Variants in HSPBAP1 observed in about 807,000 individuals in gnomAD.
The protein encoded by HSPBAP1 is HSPB1-associated protein 1.
HSPBAP1 carries 27 observed loss-of-function variants against 45.2 expected under a neutral mutation model. The ratio of observed to expected loss-of-function variants is 0.60; its 90% confidence interval spans 0.44 to 0.82. The LOEUF (loss-of-function observed/expected upper bound fraction) is 0.82. Among genes scored for constraint, HSPBAP1 ranks in the 40% least tolerant of loss-of-function variants. HSPBAP1 has a pLI of 0.00. For missense variants in HSPBAP1, 510 were observed against 590.9 expected (o/e 0.86, Z 1.42); for synonymous variants, 204 against 202.7 (o/e 1.01, Z -0.06).
At chr3:122,774,647 G>T (rs1285777099) in intron 2 of HSPBAP1, among the ~76,000 whole-genome samples, 1 of 152,186 alleles carries the variant, frequency 6.6e-6, no homozygotes, top group Non-Finnish European at 1.5e-5. Context: ...GTGTGGGAAG[G>T]GAGGGCAAGG....
chr3:122,759,199 A>ACACACC (rs765740193), intron 4 of HSPBAP1, 25 bp downstream of exon 4: 7 of 1,592,628 alleles, frequency 4.4e-6, no homozygotes, highest in Non-Finnish European at 5.1e-6. Context: ...ACACACACAC[A>ACACACC]CACACACACA....
intron 1 of HSPBAP1, among the ~76,000 whole-genome samples, chr3:122,779,040 C>CT (rs35186596): frequency 0.11 from 15,617 of 146,734 alleles, 823 homozygotes; most frequent in East Asian, 0.13. Flanking sequence ...CTTTCTTTTT[C>CT]TTTTTTTTTT....
intron 6 of HSPBAP1, among the ~76,000 whole-genome samples, chr3:122,747,133 G>A (rs1933900334): frequency 6.6e-6 from 1 of 151,640 alleles, no homozygotes; most frequent in African/African-American, 2.4e-5. Flanking sequence ...GATGTGAGGA[G>A]CCCCTCTGCC....
intron 1 of HSPBAP1, 111 bp from the exon 2 acceptor site, chr3:122,778,017 A>T (rs375477583): frequency 2.8e-6 from 2 of 711,260 alleles, no homozygotes. Context: ...ATTCTCTACA[A>T]TTACAATAAT....
chr3:122,765,410 G>C (rs543715615), intron 3 of HSPBAP1, among the ~76,000 whole-genome samples: 2 of 151,802 alleles, frequency 1.3e-5, no homozygotes, highest in African/African-American at 4.8e-5. Flanking sequence ...GTGAAACCCC[G>C]TTTCTACTAA....
chr3:122,751,981 T>A (rs974143609), intron 6 of HSPBAP1, among the ~76,000 whole-genome samples: 1 of 152,294 alleles, frequency 6.6e-6, no homozygotes. Flanking sequence ...TCAGGGCCTC[T>A]GGTTAAAGAG....
chr3:122,740,997 G>T lies in HSPBAP1; in HGVS notation c.936+6C>A. 1 of 1,611,874 alleles carries T rather than the reference G, an allele frequency of 6.2e-7. No individual in the cohort carries two copies. Among genetic ancestry groups the T allele is most frequent in the Non-Finnish European group, 8.5e-7 (1 of 1,177,920 alleles). ...ACTGCCATGATGAAGACCAGAAGCC[G>T]CCTACCTCAGTGGGGTTTAACCAGG... On this transcript the variant is annotated splice_donor_region_variant and intron_variant, in intron 7 of 7. Transcript: ENST00000306103.
rs1023450957 is a variant in HSPBAP1, at chr3:122,740,213, T to C, written c.*132A>G. Reference sequence around the variant, plus strand: ...GAAAGAAGGTGGCAACAGACTGACATGTAATTCGGTAAGGATAAATACATT... The same window carrying C: ...GAAAGAAGGTGGCAACAGACTGACACGTAATTCGGTAAGGATAAATACATT... On this transcript the variant is annotated 3_prime_UTR_variant, in exon 8 of 8. Transcript: ENST00000306103. The C allele has an allele frequency of 1.9e-6, 1 of 526,468 alleles. No individual in the cohort carries two copies. The allele number at this position is 526,468 out of a possible 1,614,324, so 32.6% of individuals were successfully genotyped here. A position where few individuals can be genotyped will look rare whatever the true frequency, so the allele number is the denominator to read the frequency against.
At chr3:122,779,468 C>T (rs569657462) in intron 1 of HSPBAP1, among the ~76,000 whole-genome samples, 49 of 143,104 alleles carry the variant, frequency 3.4e-4, no homozygotes, top group African/African-American at 1.0e-3. Flanking sequence ...TTTCTCTGCC[C>T]GTTAAACTCT....
At chr3:122,753,792 G>A in intron 5 of HSPBAP1, 1 of 985,264 alleles carries the variant, frequency 1.0e-6, no homozygotes, top group Non-Finnish European at 1.2e-6. Context: ...TCAGAGTAAA[G>A]TTTCAGTAAA....
rs369156071 is a variant in HSPBAP1, at chr3:122,781,447, C to G, written c.65-3541G>C. Among the ~76,000 whole-genome samples the G allele has an allele frequency of 8.7e-4, 131 of 150,288 alleles. 3 individuals are homozygous for G. The South Asian group carries it at 0.025, about 29-fold the overall frequency. ...GCGCGTGCCTGCAATCGCAGGCACTCGGCAGGCTGAGGCAGGAGAATCAGG... is the reference window on the plus strand; with the variant it reads ...GCGCGTGCCTGCAATCGCAGGCACTGGGCAGGCTGAGGCAGGAGAATCAGG... On this transcript the variant is annotated intron_variant, in intron 1 of 7. Coordinates refer to ENST00000306103, the MANE Select transcript of HSPBAP1 (RefSeq NM_024610.6).
At chr3:122,775,346 T>G in intron 2 of HSPBAP1, among the ~76,000 whole-genome samples, 1 of 152,138 alleles carries the variant, frequency 6.6e-6, no homozygotes, top group Non-Finnish European at 1.5e-5. Context: ...TGAATAGACA[T>G]TTTTCCAAAG....
intron 1 of HSPBAP1, among the ~76,000 whole-genome samples, chr3:122,789,609 T>C (rs1453137058): frequency 6.6e-6 from 1 of 152,252 alleles, no homozygotes; most frequent in African/African-American, 2.4e-5. Flanking sequence ...GTGCCTAGCA[T>C]AAAATGATGC....
intron 3 of HSPBAP1, among the ~76,000 whole-genome samples, chr3:122,767,298 G>C (rs559563738): frequency 6.4e-4 from 98 of 152,300 alleles, no homozygotes; most frequent in African/African-American, 2.4e-3. Context: ...CAGCACTTTG[G>C]GCGGCCGAGG....
At chr3:122,749,048 T>C (rs7647670) in intron 6 of HSPBAP1, among the ~76,000 whole-genome samples, 2,178 of 152,128 alleles carry the variant, frequency 0.014, 58 homozygotes, top group African/African-American at 0.05. Context: ...TGAATAAGTA[T>C]ATAAATAAGT....
chr3:122,783,838 T>G (rs1935569830), intron 1 of HSPBAP1, among the ~76,000 whole-genome samples: 1 of 151,224 alleles, frequency 6.6e-6, no homozygotes, highest in East Asian at 1.9e-4. Flanking sequence ...ACTTTCTTTT[T>G]TTTTTTTTTT....
chr3:122,760,119 A>T (rs1934515351), intron 3 of HSPBAP1, among the ~76,000 whole-genome samples: 1 of 152,242 alleles, frequency 6.6e-6, no homozygotes, highest in South Asian at 2.1e-4. Context: ...AAGACTCTCC[A>T]TATGCCTGGT....
At chr3:122,746,852 A>G (rs984059890) in intron 6 of HSPBAP1, among the ~76,000 whole-genome samples, 1 of 151,884 alleles carries the variant, frequency 6.6e-6, no homozygotes, top group Non-Finnish European at 1.5e-5. Flanking sequence ...ATGGGGTTTC[A>G]CTGTGTTGGC....
intron 1 of HSPBAP1, among the ~76,000 whole-genome samples, chr3:122,779,017 T>C (rs1388876653): frequency 6.6e-6 from 1 of 151,454 alleles, no homozygotes; most frequent in East Asian, 1.9e-4. Flanking sequence ...CTTAATGTGA[T>C]AGATTTCATT....
Sources: allele counts gnomAD v4.1 joint callset (sites outside exome capture counted in the v4.1 genomes callset), GRCh38; gene constraint gnomAD v4.1.1; transcripts MANE v1.5; gene names NCBI Gene and HGNC (gene_info 2026-07-23, HGNC 2026-07-21).